SYNDIG1: variants seen among roughly 807,000 people sequenced by gnomAD.
SYNDIG1 encodes synapse differentiation-inducing gene protein 1.
In SYNDIG1, 9 loss-of-function variants were observed where a neutral mutation model predicts 19.4. The ratio of observed to expected loss-of-function variants is 0.46; its 90% CI spans 0.28 to 0.81. SYNDIG1 has a LOEUF of 0.81. SYNDIG1 is among the 30% of genes least tolerant of loss of function. The pLI is 0.12. For synonymous variants in SYNDIG1, 141 were observed against 145.9 expected (o/e 0.97, Z 0.24); for missense variants, 311 against 343.3 (o/e 0.91, Z 0.74).
At chr20:24,570,037 A>T (rs2058115106) in intron 2 of SYNDIG1, among the ~76,000 whole-genome samples, 1 of 152,216 alleles carries the variant, frequency 6.6e-6, no homozygotes, top group Admixed American at 6.5e-5. Flanking sequence ...CTGTTTGAAA[A>T]TGGTCATATA....
Position 24,512,153 on chromosome 20 carries a change from A to ATATG in SYNDIG1, c.-78-30866_-78-30865insATGT, listed in dbSNP as rs1221978118. Among the ~76,000 whole-genome samples the ATATG allele has an allele frequency of 7.1e-5, 8 of 112,790 alleles. No individual in the cohort carries two copies. In the East Asian group the frequency reaches 1.6e-3, roughly 23 times the overall value. 74.0% of individuals were successfully genotyped at this position (112,790 alleles called of 152,430 possible). On this transcript the variant is annotated intron_variant, in intron 1 of 3. Coordinates refer to ENST00000376862, the MANE Select transcript of SYNDIG1 (RefSeq NM_024893.3). ...TATATATATATATATATATATATAT[A>ATATG]TGCAGTGGTTCCAAGATGGCCGAAT... is the stretch of plus-strand genomic sequence containing the variant.
intron 1 of SYNDIG1, among the ~76,000 whole-genome samples, chr20:24,506,946 G>A (rs757799292): frequency 3.9e-5 from 6 of 152,194 alleles, no homozygotes; most frequent in Non-Finnish European, 5.9e-5. Context: ...ATAAAGGAAG[G>A]ATTTGGCAAG....
In SYNDIG1 at chr20:24,619,941, C is replaced by T. The variant is rs567032786; in HGVS notation, c.618+34948C>T. On this transcript the variant is annotated intron_variant, in intron 3 of 3. Transcript: ENST00000376862. ...GCAAGGCATGTTGTGGAGTTCTGCA[C>T]ATGAGGAAACTGAGGCCGTGGGAGT... is the stretch of plus-strand genomic sequence containing the variant. Among the ~76,000 whole-genome samples, 5 of 152,292 alleles carry T rather than the reference C, an allele frequency of 3.3e-5. 1 individual carries two copies. Among genetic ancestry groups the T allele is most frequent in the African/African-American group, 9.6e-5 (4 of 41,552 alleles).
At chr20:24,610,737 G>A (rs1350588240) in intron 3 of SYNDIG1, among the ~76,000 whole-genome samples, 5 of 152,190 alleles carry the variant, frequency 3.3e-5, no homozygotes, top group East Asian at 1.9e-4. Flanking sequence ...AGCCCTTCAC[G>A]AAGCCATCTG....
At position 24,543,586 on chromosome 20, in the gene SYNDIG1, ATG is replaced by A. The variant is rs776324956; in HGVS notation, c.480+13_480+14del. The A allele has an allele frequency of 5.0e-6, 8 of 1,595,514 alleles. No homozygotes were observed. In the East Asian group the frequency reaches 6.7e-5, roughly 13 times the overall value. On this transcript the variant is annotated intron_variant, in intron 2 of 3. Coordinates refer to ENST00000376862, the MANE Select transcript of SYNDIG1 (RefSeq NM_024893.3). ...AGTTCCAGGAGCTGGAGGTCACAGG[ATG>A]TGTTTGTCAGAGGCCCTCTAAGAAT... is the stretch of plus-strand genomic sequence containing the variant.
intron 3 of SYNDIG1, among the ~76,000 whole-genome samples, chr20:24,636,483 T>C (rs567608385): frequency 6.6e-5 from 10 of 152,302 alleles, no homozygotes; most frequent in Admixed American, 4.6e-4. Flanking sequence ...CTGATTTACA[T>C]AGGGCCCAAA....
intron 3 of SYNDIG1, among the ~76,000 whole-genome samples, chr20:24,613,319 T>C (rs1373168815): frequency 6.6e-6 from 1 of 152,150 alleles, no homozygotes; most frequent in Non-Finnish European, 1.5e-5. Flanking sequence ...AAGCCTACTC[T>C]GCAAATCAGA....
intron 2 of SYNDIG1, among the ~76,000 whole-genome samples, chr20:24,557,075 C>T (rs2057836082): frequency 6.6e-6 from 1 of 152,140 alleles, no homozygotes; most frequent in Non-Finnish European, 1.5e-5. Flanking sequence ...ATCACTGATA[C>T]CCTTTCTTCC....
At chr20:24,539,017 T>C (rs1171538793) in intron 1 of SYNDIG1, among the ~76,000 whole-genome samples, 1 of 152,242 alleles carries the variant, frequency 6.6e-6, no homozygotes, top group East Asian at 1.9e-4. Flanking sequence ...ATTAGATATA[T>C]GATTTGCAAA....
intron 3 of SYNDIG1, 34 bp from the exon 4 acceptor site, chr20:24,665,312 A>G: frequency 1.3e-6 from 2 of 1,575,830 alleles, no homozygotes; most frequent in Non-Finnish European, 1.7e-6. Flanking sequence ...CGACTTGCTT[A>G]CAATGACTTC....
chr20:24,645,561 G>T (rs748361109), intron 3 of SYNDIG1, among the ~76,000 whole-genome samples: 1 of 152,152 alleles, frequency 6.6e-6, no homozygotes, highest in Non-Finnish European at 1.5e-5. Context: ...GGAAGTGAGG[G>T]GGGAAGACTG....
chr20:24,549,358 C>A (rs1195670608), intron 2 of SYNDIG1, among the ~76,000 whole-genome samples: 5 of 152,094 alleles, frequency 3.3e-5, no homozygotes, highest in Non-Finnish European at 7.3e-5. Flanking sequence ...TAATGTCCTC[C>A]AGTTTCATCC....
intron 1 of SYNDIG1, among the ~76,000 whole-genome samples, chr20:24,513,198 A>T (rs778042264): frequency 6.6e-6 from 1 of 152,244 alleles, no homozygotes; most frequent in Non-Finnish European, 1.5e-5. Context: ...GAAAAACTGA[A>T]CATTTTAAAA....
chr20:24,661,581 G>C, intron 3 of SYNDIG1, among the ~76,000 whole-genome samples: 1 of 133,066 alleles, frequency 7.5e-6, no homozygotes, highest in African/African-American at 2.8e-5. Flanking sequence ...GGAGGGAGGA[G>C]GGAGATGGGA....
chr20:24,534,850 G>A (rs1165873884), intron 1 of SYNDIG1, among the ~76,000 whole-genome samples: 1 of 152,122 alleles, frequency 6.6e-6, no homozygotes, highest in Non-Finnish European at 1.5e-5. Context: ...GACACGGTGC[G>A]GCTTCCTTTA....
intron 2 of SYNDIG1, among the ~76,000 whole-genome samples, chr20:24,553,923 G>T (rs1481178819): frequency 6.6e-6 from 1 of 152,158 alleles, no homozygotes; most frequent in African/African-American, 2.4e-5. Context: ...TCACGATATT[G>T]TTTCTTCCTA....
intron 3 of SYNDIG1, among the ~76,000 whole-genome samples, chr20:24,654,240 G>A (rs974502893): frequency 7.2e-5 from 11 of 151,792 alleles, no homozygotes; most frequent in Admixed American, 1.3e-4. Flanking sequence ...ACTTGAGAGC[G>A]CCTCTACCAT....
At chr20:24,657,257 G>T (rs953811468) in intron 3 of SYNDIG1, among the ~76,000 whole-genome samples, 3 of 152,220 alleles carry the variant, frequency 2.0e-5, no homozygotes, top group Non-Finnish European at 4.4e-5. Context: ...GCAGCAGCCT[G>T]GTGCAGCAGC....
In SYNDIG1 at chr20:24,543,452, C is replaced by T. The variant is rs751786413; in HGVS notation, c.355C>T (p.Arg119Trp). The change falls in exon 2 of 4, where the codon CGG (arginine) becomes TGG (tryptophan). Residue 119 changes from arginine to tryptophan, a missense_variant. Transcript: ENST00000376862. ...DCCETTFIED[R>W]SPTKDSLEYP... ...CTGCGAGACCACCTTCATCGAGGAC[C>T]GGTCGCCCACCAAAGACAGCCTCGA... 18 of 1,613,530 alleles carry T rather than the reference C, an allele frequency of 1.1e-5. 1 individual carries two copies. The Middle Eastern group carries it at 1.3e-3, about 118-fold the overall frequency.
Sources: allele counts gnomAD v4.1 joint callset (sites outside exome capture counted in the v4.1 genomes callset), GRCh38; gene constraint gnomAD v4.1.1; transcripts MANE v1.5; gene names NCBI Gene and HGNC (gene_info 2026-07-23, HGNC 2026-07-21).